Variants in KLHL13 observed in about 807,000 individuals in gnomAD.
The protein encoded by KLHL13 is kelch-like protein 13.
A neutral mutation model predicts 37.1 loss-of-function variants in KLHL13; 10 were observed. The ratio of observed to expected loss-of-function variants is 0.27; its 90% CI spans 0.17 to 0.46. The LOEUF is 0.46. Ranked by LOEUF, KLHL13 falls within the 20% of genes least tolerant of loss-of-function variation. The probability of loss-of-function intolerance (pLI) is 1.00; values close to 1 mark genes in which losing one functional copy is unlikely to be tolerated. For synonymous variants in KLHL13, 163 were observed against 181.2 expected (o/e 0.90, Z 0.81); for missense variants, 360 against 509.3 (o/e 0.71, Z 2.82).
intron 1 of KLHL13, among the ~76,000 whole-genome samples, chrX:118,024,483 G>A (rs766547094): frequency 1.2e-4 from 13 of 111,648 alleles, no homozygotes; most frequent in African/African-American, 3.9e-4. Flanking sequence ...GGACTGGAAG[G>A]AAATATTCAC....
intron 1 of KLHL13, among the ~76,000 whole-genome samples, chrX:117,980,838 C>G (rs1466419484): frequency 9.0e-6 from 1 of 111,483 alleles, no homozygotes; most frequent in African/African-American, 3.3e-5. Flanking sequence ...TCAAAAAAGG[C>G]TCAATTTCAA....
intron 1 of KLHL13, among the ~76,000 whole-genome samples, chrX:118,027,992 T>C (rs1470390020): frequency 3.6e-5 from 4 of 112,024 alleles, no homozygotes; most frequent in Admixed American, 2.9e-4. Flanking sequence ...AAATATCTCA[T>C]AGTAACTCCC....
intron 1 of KLHL13, among the ~76,000 whole-genome samples, chrX:117,986,538 C>T (rs1243784055): frequency 1.8e-5 from 2 of 111,725 alleles, no homozygotes; most frequent in African/African-American, 6.5e-5. Context: ...CTAAGCCTAG[C>T]ACTAAGAACT....
intron 1 of KLHL13, among the ~76,000 whole-genome samples, chrX:118,072,326 A>C (rs1211397691): frequency 8.8e-6 from 1 of 113,261 alleles, no homozygotes; most frequent in Non-Finnish European, 1.9e-5. Context: ...TACAAAAATC[A>C]ATTCAAGATG....
chrX:117,938,046 CATA>C (rs1441119067), intron 2 of KLHL13, among the ~76,000 whole-genome samples: 1 of 112,182 alleles, frequency 8.9e-6, no homozygotes, highest in African/African-American at 3.2e-5. Flanking sequence ...TTTCAATTAG[CATA>C]ATGTTTTCAA....
intron 1 of KLHL13, among the ~76,000 whole-genome samples, chrX:118,095,355 T>C (rs2055192207): frequency 9.0e-6 from 1 of 111,273 alleles, no homozygotes; most frequent in East Asian, 2.8e-4. Context: ...CCTAAATATA[T>C]ATGCACCCAA....
intron 1 of KLHL13, among the ~76,000 whole-genome samples, chrX:118,084,096 G>C (rs1333002770): frequency 9.0e-6 from 1 of 110,781 alleles, no homozygotes; most frequent in East Asian, 2.8e-4. Context: ...AAGGTAGGCG[G>C]ATTGTTTGAG....
intron 1 of KLHL13, among the ~76,000 whole-genome samples, chrX:118,047,714 C>A (rs750265190): frequency 1.8e-5 from 2 of 111,758 alleles, no homozygotes; most frequent in African/African-American, 6.5e-5. Context: ...TGCACATGCA[C>A]AACACATAAA....
At chrX:118,100,943 C>G (rs2055281142) in intron 1 of KLHL13, among the ~76,000 whole-genome samples, 1 of 111,650 alleles carries the variant, frequency 9.0e-6, no homozygotes, top group African/African-American at 3.3e-5. Context: ...TCAATCACCT[C>G]TTTCATGTCT....
At chrX:118,038,903 C>A (rs968307521) in intron 1 of KLHL13, among the ~76,000 whole-genome samples, 4 of 111,463 alleles carry the variant, frequency 3.6e-5, no homozygotes, top group African/African-American at 1.3e-4. Flanking sequence ...CTCCTTCCTT[C>A]CACTTGAGGA....
chrX:118,057,668 GA>G (rs371503719), intron 1 of KLHL13, among the ~76,000 whole-genome samples: 1 of 109,740 alleles, frequency 9.1e-6, no homozygotes, highest in African/African-American at 3.3e-5. Flanking sequence ...AAAAATACAA[GA>G]AAAAAAATTA....
exon 1 of KLHL13, chrX:117,973,127 A>G: frequency 1.0e-6 from 1 of 968,534 alleles, no homozygotes; most frequent in South Asian, 2.7e-5. Flanking sequence ...ATACCATACA[A>G]TGCAGCTTTA....
At chrX:117,986,950 T>G (rs2053733158) in intron 1 of KLHL13, among the ~76,000 whole-genome samples, 1 of 111,505 alleles carries the variant, frequency 9.0e-6, no homozygotes, top group South Asian at 3.8e-4. Context: ...AGCAGGTCCC[T>G]GAAAGCCCAC....
chrX:117,899,094 C>A, exon 7 of KLHL13: 1 of 1,210,502 alleles, frequency 8.3e-7, no homozygotes, highest in Non-Finnish European at 1.1e-6. Context: ...TCCAAGAATA[C>A]CCCCCAACCA....
chrX:117,973,682 A>G (rs2053559640), exon 1 of KLHL13: 1 of 850,422 alleles, frequency 1.2e-6, no homozygotes, highest in Admixed American at 6.2e-5. Context: ...TGCTGTAGTA[A>G]CACAAATATC....
chrX:118,068,539 G>A (rs2054819392), intron 1 of KLHL13, among the ~76,000 whole-genome samples: 1 of 110,375 alleles, frequency 9.1e-6, no homozygotes, highest in South Asian at 3.9e-4. Context: ...TAGGCAAGAG[G>A]ATCCCAGCAG....
At chrX:117,953,336 T>C (rs374352125) in intron 1 of KLHL13, among the ~76,000 whole-genome samples, 120 of 109,760 alleles carry the variant, frequency 1.1e-3, no homozygotes, top group South Asian at 8.3e-3. Flanking sequence ...TTCTCACTCA[T>C]AGATGGGAAT....
rs150679431 is a variant in KLHL13, at chrX:117,959,510, C to A, written c.98+13221G>T. ...GAAACCTAGTTAAGATTTTGTAGAG[C>A]TGGTCTTTAATATTAATTTTAATGC... On this transcript the variant is annotated intron_variant, in intron 1 of 6. Transcript: ENST00000262820. Among the ~76,000 whole-genome samples the A allele has an allele frequency of 4.3e-3, 487 of 111,966 alleles. 1 individual carries two copies. The highest frequency in any genetic ancestry group is 7.5e-3 in the Non-Finnish European group (399 of 53,139).
intron 1 of KLHL13, among the ~76,000 whole-genome samples, chrX:117,996,576 A>G (rs1192655664): frequency 9.0e-6 from 1 of 111,544 alleles, no homozygotes; most frequent in Admixed American, 9.6e-5. Flanking sequence ...GCAGCAATAC[A>G]TTCTTGGGCA....
Sources: gnomAD v4.1 joint callset for allele counts (sites outside exome capture counted in the v4.1 genomes callset) on GRCh38, gnomAD v4.1.1 for gene constraint, MANE v1.5 for transcripts, NCBI Gene and HGNC (gene_info 2026-07-23, HGNC 2026-07-21) for gene names.